Variants in HMCN1 observed in about 807,000 individuals in gnomAD.
HMCN1 encodes hemicentin 1, also known as hemicentin-1.
HMCN1 carries 321 observed loss-of-function variants against 625.9 expected under a neutral mutation model. The ratio of observed to expected loss-of-function variants is 0.51; its 90% CI spans 0.47 to 0.56. The LOEUF (loss-of-function observed/expected upper bound fraction) is 0.56. HMCN1 is among the 20% of genes least tolerant of loss of function. The pLI is 0.00. For missense variants in HMCN1, 6,588 were observed against 6,887.3 expected (o/e 0.96, Z 1.54); for synonymous variants, 2,425 against 2,417.6 (o/e 1.00, Z -0.09).
chr1:186,190,748 T>G lies in HMCN1; in HGVS notation c.*870T>G, dbSNP rs1217740669. The stretch of plus-strand genomic sequence containing the variant: ...CATGTGTTCAAATTAACATAAATAT[T>G]ACACGTCAATACACTGTACATGGTG... On this transcript the variant is annotated 3_prime_UTR_variant, in exon 107 of 107. Transcript: ENST00000271588. 1 of 196,256 alleles carries G rather than the reference T, an allele frequency of 5.1e-6. No homozygotes were observed. The highest frequency in any genetic ancestry group is 1.1e-5 in the Non-Finnish European group (1 of 94,288). 12.2% of individuals were successfully genotyped at this position (196,256 alleles called of 1,614,324 possible).
intron 6 of HMCN1, among the ~76,000 whole-genome samples, chr1:185,919,020 A>C (rs908212211): frequency 6.6e-6 from 1 of 151,732 alleles, no homozygotes; most frequent in African/African-American, 2.4e-5. Context: ...ATGATAAAAA[A>C]AGACCAAATA....
At chr1:185,866,629 A>G (rs913753168) in intron 4 of HMCN1, among the ~76,000 whole-genome samples, 6 of 151,476 alleles carry the variant, frequency 4.0e-5, no homozygotes, top group African/African-American at 1.5e-4. Context: ...GATGATCTCG[A>G]TCTCCTGACC....
Position 186,145,554 on chromosome 1 carries a change from C to T in HMCN1, c.14418C>T (p.Cys4806=). 1 of 1,614,056 alleles carries T rather than the reference C, an allele frequency of 6.2e-7. No homozygotes were observed. The highest frequency in any genetic ancestry group is 1.7e-4 in the Middle Eastern group (1 of 6,060). The change falls in exon 92 of 107, where the codon TGC becomes TGT. Residue 4806 remains cysteine (C), a synonymous_variant. Transcript: ENST00000271588. ...CGGPDSQIQR[C]NTDMCPVDGS... is the part of the protein sequence containing the mutation. Reference sequence around the variant, plus strand: ...GACCAGACTCCCAGATCCAGAGGTGCAACACTGACATGTGTCCTGGTGAGC... The same window carrying T: ...GACCAGACTCCCAGATCCAGAGGTGTAACACTGACATGTGTCCTGGTGAGC...
At chr1:185,782,265 A>G (rs1205916803) in intron 1 of HMCN1, among the ~76,000 whole-genome samples, 1 of 152,234 alleles carries the variant, frequency 6.6e-6, no homozygotes, top group Non-Finnish European at 1.5e-5. Flanking sequence ...GGGTCTCCTG[A>G]ATACAGCACA....
chr1:185,906,284 A>G (rs1362460894), intron 4 of HMCN1, among the ~76,000 whole-genome samples: 1 of 151,748 alleles, frequency 6.6e-6, no homozygotes, highest in East Asian at 1.9e-4. Context: ...TTTTCTTATA[A>G]GTGGATAAAA....
At position 186,119,760 on chromosome 1, in the gene HMCN1, A is replaced by G; in HGVS notation, c.11972A>G (p.Gln3991Arg). 1.9e-6 allele frequency: 3 copies of G among 1,614,028 alleles called. No homozygotes were observed. The highest frequency in any genetic ancestry group is 1.3e-5 in the African/African-American group (1 of 75,036). The change falls in exon 79 of 107, where the codon CAG (glutamine) becomes CGG (arginine). Residue 3991 changes from glutamine to arginine, a missense_variant. Physicochemically the swap from Gln to Arg is conservative, Grantham distance 43 (BLOSUM62 1). Coordinates refer to ENST00000271588, the MANE Select transcript of HMCN1 (RefSeq NM_031935.3). ...TLHVHEPPVI[Q>R]PQPSELHVIL... Reference sequence around the variant, plus strand: ...TTTTTTATAGAGCCTCCAGTCATTCAGCCCCAACCAAGTGAACTACACGTC... The same window carrying G: ...TTTTTTATAGAGCCTCCAGTCATTCGGCCCCAACCAAGTGAACTACACGTC...
chr1:185,810,008 A>G (rs1424143912), intron 1 of HMCN1, among the ~76,000 whole-genome samples: 1 of 152,140 alleles, frequency 6.6e-6, no homozygotes, highest in Admixed American at 6.6e-5. Context: ...GTGAGGAAAT[A>G]AACACTTGAA....
chr1:186,124,850 T>G lies in HMCN1; in HGVS notation c.12500-754T>G, dbSNP rs145000622. 1.5e-4 allele frequency among the ~76,000 whole-genome samples: 23 copies of G among 152,214 alleles called. 2 individuals are homozygous for G. In the East Asian group the frequency reaches 4.2e-3, roughly 28 times the overall value. ...TGGGAAGGGAGTGTATTTTTACTTT[T>G]GAACCGAGAATTCTTAATACTTTTT... On this transcript the variant is annotated intron_variant, in intron 81 of 106. Coordinates refer to ENST00000271588, the MANE Select transcript of HMCN1 (RefSeq NM_031935.3).
intron 85 of HMCN1, among the ~76,000 whole-genome samples, 194 bp from the exon 86 acceptor site, chr1:186,132,133 TC>T (rs1661970340): frequency 6.6e-6 from 1 of 152,076 alleles, no homozygotes; most frequent in African/African-American, 2.4e-5. Context: ...TTTTCTCCCT[TC>T]CCCCTCCTCT....
chr1:185,913,953 A>G (rs192906036), intron 6 of HMCN1, among the ~76,000 whole-genome samples: 65 of 152,220 alleles, frequency 4.3e-4, no homozygotes, highest in Non-Finnish European at 7.7e-4. Flanking sequence ...TGTTTAGACA[A>G]GTCTCTAAGC....
In HMCN1 at chr1:186,041,004, C is replaced by T. The variant is rs763312820; in HGVS notation, c.6181-9C>T. ...CATATTGGTTATTTAGCGTTCTTAC[C>T]ATTGATAGGTTCTCTCTGGTGGTCG... is the stretch of plus-strand genomic sequence containing the variant. On this transcript the variant is annotated splice_polypyrimidine_tract_variant and intron_variant, in intron 39 of 106. Coordinates refer to ENST00000271588, the MANE Select transcript of HMCN1 (RefSeq NM_031935.3). 14 of 1,612,450 alleles carry T rather than the reference C, an allele frequency of 8.7e-6. No homozygotes were observed. The South Asian group carries it at 1.5e-4, about 18-fold the overall frequency.
rs114931554 is a variant in HMCN1 at position 186,189,095 on chromosome 1, T to C, written c.16542-417T>C. ...ATTATTTTTAGAAAAAATGTCAATA[T>C]ATTTTGTTTCACCTTTTAAACAGTG... On this transcript the variant is annotated intron_variant, in intron 106 of 106. Coordinates refer to ENST00000271588, the MANE Select transcript of HMCN1 (RefSeq NM_031935.3). Among the ~76,000 whole-genome samples the C allele has an allele frequency of 6.0e-3, 921 of 152,336 alleles. 14 individuals carry two copies. The highest frequency in any genetic ancestry group is 0.021 in the African/African-American group (892 of 41,582).
intron 41 of HMCN1, among the ~76,000 whole-genome samples, chr1:186,047,993 T>C (rs757142677): frequency 6.6e-6 from 1 of 152,164 alleles, no homozygotes; most frequent in Non-Finnish European, 1.5e-5. Flanking sequence ...ATAAGTCCCA[T>C]ACTGCTTGTT....
intron 22 of HMCN1, among the ~76,000 whole-genome samples, chr1:185,992,585 C>CT (rs1334121605): frequency 2.0e-5 from 3 of 152,068 alleles, no homozygotes; most frequent in Admixed American, 2.0e-4. Context: ...ATGCTTAGGT[C>CT]TTTCTGGAGG....
intron 4 of HMCN1, among the ~76,000 whole-genome samples, chr1:185,883,386 C>A (rs1190507994): frequency 1.3e-5 from 2 of 152,040 alleles, no homozygotes; most frequent in Admixed American, 6.6e-5. Context: ...ACCCTTAAAA[C>A]TTCCCTTATG....
At chr1:186,108,317 C>T in intron 70 of HMCN1, 144 bp from the exon 71 acceptor site, 1 of 1,308,634 alleles carries the variant, frequency 7.6e-7, no homozygotes, top group Non-Finnish European at 1.1e-6. Context: ...AAACACTTCC[C>T]ACTGTTTGTA....
At position 186,151,661 on chromosome 1, in the gene HMCN1, A is replaced by G. The variant is rs764895427; in HGVS notation, c.14814A>G (p.Ala4938=). 3.4e-5 allele frequency: 55 copies of G among 1,612,904 alleles called. No individual in the cohort carries two copies. The Middle Eastern group carries it at 6.6e-4, about 19-fold the overall frequency. Residue 4938 remains alanine (A), a synonymous_variant, in exon 95 of 107, where the codon GCA becomes GCG. Transcript: ENST00000271588. The stretch of plus-strand genomic sequence containing the variant: ...TAAATCCCATTTATTGGACAACAGC[A>G]AAGGAAATAGGAGAAGCAGTCAATG... ...SILNPIYWTT[A]KEIGEAVNGF...
intron 12 of HMCN1, among the ~76,000 whole-genome samples, chr1:185,963,109 TA>T (rs1650145325): frequency 6.6e-6 from 1 of 152,186 alleles, no homozygotes; most frequent in Non-Finnish European, 1.5e-5. Context: ...TTTGCCAAAC[TA>T]CAGTGGGAAG....
At chr1:185,934,564 T>C (rs527623051) in intron 11 of HMCN1, among the ~76,000 whole-genome samples, 1 of 152,338 alleles carries the variant, frequency 6.6e-6, no homozygotes, top group Non-Finnish European at 1.5e-5. Flanking sequence ...CATATTTGGC[T>C]TCTAAAAGTC....
Sources: allele counts gnomAD v4.1 joint callset (sites outside exome capture counted in the v4.1 genomes callset), GRCh38; gene constraint gnomAD v4.1.1; transcripts MANE v1.5; gene names NCBI Gene and HGNC (gene_info 2026-07-23, HGNC 2026-07-21).